Variants in VPS13B observed in about 807,000 individuals in gnomAD.
VPS13B encodes the protein intermembrane lipid transfer protein VPS13B.
VPS13B carries 285 observed loss-of-function variants against 426.4 expected under a neutral mutation model. The ratio of observed to expected loss-of-function variants is 0.67; its 90% confidence interval spans 0.61 to 0.74. The LOEUF (loss-of-function observed/expected upper bound fraction) is 0.74. VPS13B is among the 30% of genes least tolerant of loss of function. The pLI is 0.00. For synonymous variants in VPS13B, 1,676 were observed against 1,676.4 expected (o/e 1.00, Z 0.01); for missense variants, 4,537 against 4,782.6 (o/e 0.95, Z 1.51).
At chr8:99,660,797 G>A (rs1037790189) in intron 34 of VPS13B, among the ~76,000 whole-genome samples, 4 of 152,032 alleles carry the variant, frequency 2.6e-5, no homozygotes, top group African/African-American at 9.6e-5. Context: ...TTATAATTAG[G>A]ATTATTAAGA....
intron 51 of VPS13B, among the ~76,000 whole-genome samples, chr8:99,831,797 A>G (rs1383350482): frequency 6.6e-6 from 1 of 152,260 alleles, no homozygotes; most frequent in Non-Finnish European, 1.5e-5. Flanking sequence ...GCACGGTTAT[A>G]TACAAGTACT....
At chr8:99,303,258 CAA>C (rs757187342) in intron 19 of VPS13B, among the ~76,000 whole-genome samples, 4 of 57,300 alleles carry the variant, frequency 7.0e-5, no homozygotes, top group African/African-American at 3.2e-4. Context: ...CAGCCTGTCT[CAA>C]AAAAAAAAAA....
At chr8:99,864,107 G>C (rs1321708557) in intron 58 of VPS13B, among the ~76,000 whole-genome samples, 1 of 152,200 alleles carries the variant, frequency 6.6e-6, no homozygotes, top group Admixed American at 6.5e-5. Flanking sequence ...GTGGCAAGAA[G>C]AACAAAGAGC....
chr8:99,136,542 C>A (rs1810078311), intron 11 of VPS13B, 123 bp from the exon 12 acceptor site: 6 of 954,008 alleles, frequency 6.3e-6, no homozygotes, highest in Non-Finnish European at 1.0e-5. Flanking sequence ...AACCTCTGTT[C>A]TTTTGGTCAT....
intron 3 of VPS13B, among the ~76,000 whole-genome samples, chr8:99,057,994 C>T (rs1315837804): frequency 1.3e-5 from 2 of 152,138 alleles, no homozygotes; most frequent in African/African-American, 4.8e-5. Context: ...AGATCATAAA[C>T]TTATGTGCAA....
chr8:99,307,090 T>C (rs1820679816), intron 19 of VPS13B, among the ~76,000 whole-genome samples: 1 of 152,118 alleles, frequency 6.6e-6, no homozygotes. Context: ...GATAAAACTG[T>C]GGATCTGAGT....
chr8:99,021,407 T>C (rs1038353505), intron 2 of VPS13B, among the ~76,000 whole-genome samples: 9 of 152,040 alleles, frequency 5.9e-5, no homozygotes, highest in Non-Finnish European at 1.3e-4. Context: ...TGGATCACGA[T>C]GTCAGGAGTT....
chr8:99,484,310 T>C (rs771650836), intron 25 of VPS13B, among the ~76,000 whole-genome samples: 1 of 152,152 alleles, frequency 6.6e-6, no homozygotes, highest in Non-Finnish European at 1.5e-5. Context: ...ATGAAAATGC[T>C]CATAGTAGAT....
chr8:99,376,213 T>C (rs1813475921), intron 19 of VPS13B, among the ~76,000 whole-genome samples: 1 of 152,192 alleles, frequency 6.6e-6, no homozygotes, highest in Non-Finnish European at 1.5e-5. Context: ...TAGTGATCTA[T>C]GGTGGATGTG....
chr8:99,829,330 T>C (rs1166382762), intron 51 of VPS13B, among the ~76,000 whole-genome samples: 1 of 152,160 alleles, frequency 6.6e-6, no homozygotes, highest in Non-Finnish European at 1.5e-5. Context: ...TTTTCATGCT[T>C]TATTTCATTA....
intron 17 of VPS13B, among the ~76,000 whole-genome samples, chr8:99,264,227 T>G (rs529302704): frequency 6.6e-6 from 1 of 152,072 alleles, no homozygotes; most frequent in East Asian, 1.9e-4. Context: ...TTTTTAATGC[T>G]TTTTCCTCCT....
intron 19 of VPS13B, among the ~76,000 whole-genome samples, chr8:99,376,926 T>C (rs1456019707): frequency 6.6e-6 from 1 of 152,052 alleles, no homozygotes; most frequent in Non-Finnish European, 1.5e-5. Flanking sequence ...TCTTTTTTCT[T>C]TCTTTACTGT....
At chr8:99,691,289 T>C (rs945082076) in intron 35 of VPS13B, among the ~76,000 whole-genome samples, 1 of 151,802 alleles carries the variant, frequency 6.6e-6, no homozygotes, top group Non-Finnish European at 1.5e-5. Context: ...TATGATGTTC[T>C]GGGATTAGAC....
intron 19 of VPS13B, among the ~76,000 whole-genome samples, chr8:99,306,959 G>A (rs1287054536): frequency 1.3e-5 from 2 of 152,116 alleles, no homozygotes; most frequent in African/African-American, 2.4e-5. Context: ...TGAATGCTGT[G>A]TGAGGTCTTT....
chr8:99,395,194 G>T (rs1428035980), intron 21 of VPS13B, among the ~76,000 whole-genome samples: 1 of 152,156 alleles, frequency 6.6e-6, no homozygotes. Flanking sequence ...GTAGAGACAG[G>T]AACTGAAGTT....
chr8:99,509,429 A>G, intron 28 of VPS13B, among the ~76,000 whole-genome samples: 1 of 152,164 alleles, frequency 6.6e-6, no homozygotes, highest in East Asian at 1.9e-4. Context: ...GGTCAATTAA[A>G]AAATACAAAA....
At chr8:99,143,549 G>C (rs994794978) in intron 13 of VPS13B, among the ~76,000 whole-genome samples, 3 of 152,100 alleles carry the variant, frequency 2.0e-5, no homozygotes, top group Non-Finnish European at 2.9e-5. Context: ...TGCTGGTTTA[G>C]AAAAAGTTGC....
intron 19 of VPS13B, among the ~76,000 whole-genome samples, chr8:99,366,758 G>A (rs1363412461): frequency 6.6e-6 from 1 of 151,248 alleles, no homozygotes; most frequent in Non-Finnish European, 1.5e-5. Flanking sequence ...TGTATCTGTT[G>A]TATGTTTTTT....
chr8:99,209,320 C>T (rs967660740), intron 17 of VPS13B, among the ~76,000 whole-genome samples: 1 of 151,300 alleles, frequency 6.6e-6, no homozygotes, highest in African/African-American at 2.4e-5. Context: ...CGAAATAATG[C>T]TGTAATATAC....
Sources: gnomAD v4.1 joint callset for allele counts (sites outside exome capture counted in the v4.1 genomes callset) on GRCh38, gnomAD v4.1.1 for gene constraint, MANE v1.5 for transcripts, NCBI Gene and HGNC (gene_info 2026-07-23, HGNC 2026-07-21) for gene names.